Variants in AFG2A observed in about 807,000 individuals in gnomAD.
The protein encoded by AFG2A is AAA ATPase AFG2A, also known as ATPase family gene 2 protein homolog A.
chr4:123,304,499 A>G, the AFG2A span, among the ~76,000 whole-genome samples: 1 of 152,150 alleles, frequency 6.6e-6, no homozygotes, highest in Non-Finnish European at 1.5e-5. Flanking sequence ...AGGCAACACA[A>G]TGTCAGCGCC....
the AFG2A span, among the ~76,000 whole-genome samples, chr4:123,251,937 C>T: frequency 3.3e-5 from 5 of 152,056 alleles, no homozygotes; most frequent in Non-Finnish European, 5.9e-5. Flanking sequence ...TAGACAATCA[C>T]CCTCTTCTAG....
the AFG2A span, among the ~76,000 whole-genome samples, chr4:123,237,518 C>G: frequency 1.3e-5 from 2 of 151,698 alleles, no homozygotes; most frequent in Admixed American, 6.6e-5. Flanking sequence ...ACTAAAAGTA[C>G]AAAAATTAGC....
the AFG2A span, among the ~76,000 whole-genome samples, chr4:123,040,704 A>G: frequency 1.3e-5 from 2 of 152,188 alleles, no homozygotes; most frequent in Admixed American, 6.5e-5. Flanking sequence ...GTATGAGAAC[A>G]TTTTGCCTCA....
At chr4:123,216,741 G>A in the AFG2A span, among the ~76,000 whole-genome samples, 1 of 150,680 alleles carries the variant, frequency 6.6e-6, no homozygotes, top group Admixed American at 6.6e-5. Flanking sequence ...TCATAGTTCA[G>A]TGTAGCTTCA....
the AFG2A span, chr4:123,028,321 C>A: frequency 1.2e-6 from 2 of 1,614,074 alleles, no homozygotes; most frequent in East Asian, 2.2e-5. Context: ...TCTCTATGGG[C>A]CACCTGGGTG....
the AFG2A span, among the ~76,000 whole-genome samples, chr4:123,106,594 T>C: frequency 3.9e-5 from 6 of 152,268 alleles, no homozygotes; most frequent in African/African-American, 1.4e-4. Flanking sequence ...AGGTAAGGCC[T>C]CCTGCTTCTC....
At chr4:123,120,450 AC>A in the AFG2A span, among the ~76,000 whole-genome samples, 1 of 152,188 alleles carries the variant, frequency 6.6e-6, no homozygotes, top group Non-Finnish European at 1.5e-5. Flanking sequence ...AATATTAGTT[AC>A]CTAACTAAAG....
the AFG2A span, among the ~76,000 whole-genome samples, chr4:123,258,921 C>T: frequency 7.3e-6 from 1 of 136,554 alleles, no homozygotes; most frequent in Admixed American, 8.2e-5. Context: ...GGCTGGAGTG[C>T]AGTGGCACGA....
chr4:123,155,141 G>A, the AFG2A span, among the ~76,000 whole-genome samples: 2 of 152,136 alleles, frequency 1.3e-5, no homozygotes, highest in Admixed American at 6.5e-5. Flanking sequence ...CTGGAGTACA[G>A]TGGCATGATC....
chr4:122,930,554 CA>C, the AFG2A span, among the ~76,000 whole-genome samples: 1 of 152,090 alleles, frequency 6.6e-6, no homozygotes, highest in African/African-American at 2.4e-5. Context: ...GCAGAAGGGA[CA>C]GGAGACAATA....
At chr4:123,127,498 A>G in the AFG2A span, among the ~76,000 whole-genome samples, 2 of 152,252 alleles carry the variant, frequency 1.3e-5, no homozygotes, top group South Asian at 4.2e-4. Flanking sequence ...AAAGCTCTTC[A>G]GTTGGTAAGC....
the AFG2A span, among the ~76,000 whole-genome samples, chr4:122,986,761 A>G: frequency 6.6e-6 from 1 of 152,168 alleles, no homozygotes; most frequent in Non-Finnish European, 1.5e-5. Flanking sequence ...AAAAATACTA[A>G]TAATTAAAAA....
the AFG2A span, among the ~76,000 whole-genome samples, chr4:123,139,103 ATG>A: frequency 6.6e-6 from 1 of 152,224 alleles, no homozygotes; most frequent in East Asian, 1.9e-4. Context: ...CTTTTCTTGA[ATG>A]AGGAGATAAA....
chr4:123,249,654 G>A, the AFG2A span, among the ~76,000 whole-genome samples: 2 of 152,080 alleles, frequency 1.3e-5, no homozygotes, highest in South Asian at 4.2e-4. Flanking sequence ...AACATTTATT[G>A]GGTGCCTTAT....
At chr4:123,120,050 G>A in the AFG2A span, among the ~76,000 whole-genome samples, 15 of 152,104 alleles carry the variant, frequency 9.9e-5, no homozygotes, top group Middle Eastern at 3.4e-3. Flanking sequence ...TGGGAATTAC[G>A]GAGATTACAA....
the AFG2A span, among the ~76,000 whole-genome samples, chr4:123,254,320 C>T: frequency 1.4e-5 from 2 of 143,606 alleles, no homozygotes; most frequent in South Asian, 4.4e-4. Flanking sequence ...GGTCAATGTT[C>T]ATTTTTTTCA....
At chr4:123,165,933 A>C in the AFG2A span, among the ~76,000 whole-genome samples, 1 of 152,218 alleles carries the variant, frequency 6.6e-6, no homozygotes, top group Non-Finnish European at 1.5e-5. Flanking sequence ...AATATTTGTT[A>C]ATATCTGCTC....
chr4:122,972,952 C>T, the AFG2A span, among the ~76,000 whole-genome samples: 6,758 of 151,896 alleles, frequency 0.044, 293 homozygotes, highest in South Asian at 0.15. Context: ...CTTTGTTTTT[C>T]GTATCTTCTG....
chr4:123,188,201 T>C, the AFG2A span, among the ~76,000 whole-genome samples: 38 of 152,240 alleles, frequency 2.5e-4, no homozygotes, highest in East Asian at 6.9e-3. Context: ...TATATTTTAG[T>C]ATTGCCTCCT....
Sources: gnomAD v4.1 joint callset for allele counts (sites outside exome capture counted in the v4.1 genomes callset) on GRCh38, gnomAD v4.1.1 for gene constraint, MANE v1.5 for transcripts, NCBI Gene and HGNC (gene_info 2026-07-23, HGNC 2026-07-21) for gene names.